GRTP1: variants seen among roughly 807,000 people sequenced by gnomAD.
The protein encoded by GRTP1 is growth hormone regulated TBC protein 1.
GRTP1 carries 56 observed loss-of-function variants against 38.1 expected under a neutral mutation model. That is an observed-to-expected ratio of 1.47 (90% CI 1.19 to 1.84). GRTP1 has a LOEUF of 1.84. GRTP1 is among the 40% of genes most tolerant of loss of function. The pLI, the probability that GRTP1 is intolerant of heterozygous loss-of-function variation, is 0.00. For synonymous variants in GRTP1, 217 were observed against 189.5 expected (o/e 1.14, Z -1.19); for missense variants, 506 against 453.9 (o/e 1.11, Z -1.04).
chr13:113,344,223 C>T (rs1408780430), intron 5 of GRTP1, among the ~76,000 whole-genome samples: 2 of 152,060 alleles, frequency 1.3e-5, no homozygotes, highest in South Asian at 2.1e-4. Context: ...CAAACCACAC[C>T]GTGGCCCTCA....
chr13:113,344,597 C>G (rs779656588), intron 5 of GRTP1, among the ~76,000 whole-genome samples: 9 of 151,084 alleles, frequency 6.0e-5, no homozygotes, highest in Non-Finnish European at 8.8e-5. Context: ...CCTACAATCC[C>G]AGCTACTTGG....
rs7337031 is a variant in GRTP1, at chr13:113,343,192, T to C, written c.562+1671A>G. 0.24 allele frequency among the ~76,000 whole-genome samples: 36,171 copies of C among 152,118 alleles called. 5,902 individuals carry two copies. The highest frequency in any genetic ancestry group is 0.46 in the African/African-American group (19,135 of 41,456). On this transcript the variant is annotated intron_variant, in intron 5 of 7. Transcript: ENST00000375431. This position sits in a 1 kb window ranked among gnomAD's most constrained non-coding sequence, Gnocchi z 4.8. ...GAAGCAGGCTGTGAGCCCGTTTCCA[T>C]GTCCTACCAATCCCACATTTGGATG...
intron 4 of GRTP1, among the ~76,000 whole-genome samples, chr13:113,346,231 GACCCGGGAGGACCTC>G (rs1451687917): frequency 4.6e-5 from 6 of 130,132 alleles, no homozygotes; most frequent in Admixed American, 1.5e-4. Context: ...GCTGAGAACA[GACCCGGGAGGACCTC>G]TGTGGCCGAG....
At chr13:113,347,678 G>A (rs1340492869) in intron 4 of GRTP1, among the ~76,000 whole-genome samples, 1 of 45,844 alleles carries the variant, frequency 2.2e-5, no homozygotes, top group African/African-American at 1.0e-4. Flanking sequence ...CTCTGTGGCA[G>A]AGAGCAGACC....
At chr13:113,334,845 C>A (rs537356566) in intron 5 of GRTP1, among the ~76,000 whole-genome samples, 1 of 152,134 alleles carries the variant, frequency 6.6e-6, no homozygotes, top group Non-Finnish European at 1.5e-5. Flanking sequence ...TTGAGATGGA[C>A]ACTTGCTCTG....
chr13:113,326,817 A>G (rs984273049), intron 5 of GRTP1, among the ~76,000 whole-genome samples: 2 of 152,202 alleles, frequency 1.3e-5, no homozygotes, highest in Non-Finnish European at 2.9e-5. Flanking sequence ...GATAACCAAC[A>G]TGTGAATGTC....
At chr13:113,350,753 T>C (rs771108493) in intron 4 of GRTP1, 96 bp downstream of exon 4, 10 of 1,192,888 alleles carry the variant, frequency 8.4e-6, no homozygotes, top group South Asian at 8.1e-5. Flanking sequence ...ATGAACAGGG[T>C]TGACAGAGAC....
rs765275785 is a variant in GRTP1, at chr13:113,363,633, C to T, written c.181+129G>A. 129 of 967,718 alleles carry T rather than the reference C, an allele frequency of 1.3e-4. No homozygotes were observed. The East Asian group carries it at 2.1e-3, about 16-fold the overall frequency. The allele number at this position is 967,718 out of a possible 1,614,324, so 59.9% of individuals were successfully genotyped here. ...TGCGGCTGCCCTAGCTCGGAGCCCG[C>T]AGCTTCGTCCCGACCTGCCCGGAAA... On this transcript the variant is annotated intron_variant, in intron 2 of 7. Transcript: ENST00000375431.
rs1311326578 is a variant in GRTP1, at chr13:113,355,309, C to T, written c.340+14G>A. On this transcript the variant is annotated intron_variant, in intron 3 of 7. Transcript: ENST00000375431. ...CCCGGGCCCTGCACCAGAGCTCGAC[C>T]CCCACCGCCTCACCTGTCCTGATGG... 3 of 1,612,470 alleles carry T rather than the reference C, an allele frequency of 1.9e-6. No individual in the cohort carries two copies. Among genetic ancestry groups the T allele is most frequent in the Non-Finnish European group, 2.5e-6 (3 of 1,179,134 alleles).
In GRTP1 at chr13:113,335,453, C is replaced by CCG. The variant is rs34021181; in HGVS notation, c.563-9363_563-9362insCG. 6.6e-5 allele frequency among the ~76,000 whole-genome samples: 10 copies of CCG among 152,002 alleles called. No homozygotes were observed. The East Asian group carries it at 2.0e-3, about 30-fold the overall frequency. ...AAACAAAAAACAAAAACCTGGGTAA[C>CCG]GGATCCACCCACATTTACCATTTCT... On this transcript the variant is annotated intron_variant, in intron 5 of 7. Transcript: ENST00000375431.
At chr13:113,357,438 C>T (rs538240604) in intron 2 of GRTP1, among the ~76,000 whole-genome samples, 312 of 23,534 alleles carry the variant, frequency 0.013, 1 homozygote, top group African/African-American at 0.04. Context: ...AGTGACACTG[C>T]CTCAAAAAAA....
Position 113,361,314 on chromosome 13 carries a change from G to A in GRTP1, c.181+2448C>T, listed in dbSNP as rs529038474. On this transcript the variant is annotated intron_variant, in intron 2 of 7. Coordinates refer to ENST00000375431, the MANE Select transcript of GRTP1 (RefSeq NM_024719.4). ...TAAAAATCTGGAGGATTTTGCATCC[G>A]GATTGCTCTTTTCCTTTTCCCTGCT... Among the ~76,000 whole-genome samples the A allele has an allele frequency of 4.6e-5, 7 of 151,618 alleles. No homozygotes were observed. In the South Asian group the frequency reaches 1.5e-3, roughly 31 times the overall value.
intron 5 of GRTP1, among the ~76,000 whole-genome samples, chr13:113,333,840 T>TTATTTATTTATTTA (rs5806977): frequency 5.3e-5 from 5 of 94,734 alleles, no homozygotes; most frequent in African/African-American, 2.0e-4. Context: ...ATTTATTTAG[T>TTATTTATTTATTTA]GTGTGTGTGT....
At chr13:113,360,527 C>A (rs1392910417) in intron 2 of GRTP1, among the ~76,000 whole-genome samples, 1 of 152,200 alleles carries the variant, frequency 6.6e-6, no homozygotes, top group Non-Finnish European at 1.5e-5. Flanking sequence ...AATAACTCGT[C>A]CACTCCAGTT....
At chr13:113,334,208 A>T (rs1456458689) in intron 5 of GRTP1, among the ~76,000 whole-genome samples, 1 of 149,164 alleles carries the variant, frequency 6.7e-6, no homozygotes, top group Non-Finnish European at 1.5e-5. Flanking sequence ...AACATGAGAA[A>T]CTCTCTGTAG....
intron 5 of GRTP1, 61 bp downstream of exon 5, chr13:113,344,802 A>G: frequency 6.7e-7 from 1 of 1,494,736 alleles, no homozygotes; most frequent in Non-Finnish European, 9.0e-7. Context: ...TCTCAGCGGA[A>G]TCATTTTGGC....
intron 7 of GRTP1, chr13:113,324,807 A>G (rs1236869899): frequency 1.6e-6 from 2 of 1,275,782 alleles, no homozygotes; most frequent in Non-Finnish European, 9.9e-7. Context: ...GGTGGAAGAA[A>G]AGGCCATCTG....
rs868650522 is a variant in GRTP1, at chr13:113,347,539, T to C, written c.466-2580A>G. Among the ~76,000 whole-genome samples, 32 of 54,604 alleles carry C rather than the reference T, an allele frequency of 5.9e-4. 1 individual carries two copies. The highest frequency in any genetic ancestry group is 1.8e-3 in the South Asian group (3 of 1,640). 35.8% of individuals were successfully genotyped at this position (54,604 alleles called of 152,430 possible). A position where few individuals can be genotyped will look rare whatever the true frequency, so the allele number is the denominator to read the frequency against. On this transcript the variant is annotated intron_variant, in intron 4 of 7. Transcript: ENST00000375431. ...AGGAGCACCTCTGTGGCTGAGCGGA[T>C]CCGGGAGGACCTCTGTGGCAGAGAG...
chr13:113,341,420 C>A (rs952173864), intron 5 of GRTP1, among the ~76,000 whole-genome samples: 3 of 152,294 alleles, frequency 2.0e-5, no homozygotes, highest in African/African-American at 4.8e-5. Flanking sequence ...GCACCCGCCA[C>A]CACGCCCAGC....
Sources: allele counts gnomAD v4.1 joint callset (sites outside exome capture counted in the v4.1 genomes callset), GRCh38; gene constraint gnomAD v4.1.1; non-coding constraint Gnocchi (gnomAD v3.1); transcripts MANE v1.5; gene names NCBI Gene and HGNC (gene_info 2026-07-23, HGNC 2026-07-21).